The following FN3KRP variants were observed in gnomAD, a reference collection of about 807,000 sequenced individuals.
FN3KRP encodes fructosamine 3 kinase related protein.
In FN3KRP, 33 loss-of-function variants were observed where a neutral mutation model predicts 29.8. That is an observed-to-expected ratio of 1.11 (90% CI 0.84 to 1.48). The LOEUF (loss-of-function observed/expected upper bound fraction) is 1.48, where lower values mean the gene tolerates loss of function less well. FN3KRP is among the 40% of genes most tolerant of loss of function. FN3KRP has a pLI of 0.00. For synonymous variants in FN3KRP, 157 were observed against 155.2 expected, an observed-to-expected ratio of 1.01 and a Z score of -0.09; for missense variants, 430 against 402.6, an observed-to-expected ratio of 1.07 and a Z score of -0.58.
intron 1 of FN3KRP, chr17:82,718,568 A>C: frequency 9.4e-7 from 1 of 1,062,046 alleles, no homozygotes; most frequent in Non-Finnish European, 1.1e-6. Context: ...GAGGACACTG[A>C]CAGGTAACCC....
chr17:82,716,729 G>C lies in FN3KRP; in HGVS notation c.-27G>C. 6.8e-7 allele frequency: 1 copy of C among 1,476,410 alleles called. No individual in the cohort carries two copies. The highest frequency in any genetic ancestry group is 8.9e-7 in the Non-Finnish European group (1 of 1,120,876). The allele number at this position is 1,476,410 out of a possible 1,614,324, so 91.5% of individuals were successfully genotyped here. On this transcript the variant is annotated 5_prime_UTR_variant, in exon 1 of 6. Transcript: ENST00000269373. ...GTCTCTCGAGTCTCCGCCAGATCCG[G>C]GGCGGGTCCGCGGCCGCGGCGGGAA...
rs543968730 is a variant in FN3KRP, at chr17:82,726,552, GAGA to G, written c.544_546del (p.Lys182del). On this transcript the variant is annotated inframe_deletion, in exon 5 of 6. Transcript: ENST00000269373. ...CATTCAGCCCCAGATGGACATGGTG[GAGA>G]AGGAGTCTGGGGACAGGGAGGCCCT... 3 of 1,614,170 alleles carry G rather than the reference GAGA, an allele frequency of 1.9e-6. No homozygotes were observed. The highest frequency in any genetic ancestry group is 1.1e-5 in the South Asian group (1 of 91,088).
At chr17:82,719,157 G>T (rs924638984) in intron 2 of FN3KRP, 100 bp downstream of exon 2, 21 of 1,171,926 alleles carry the variant, frequency 1.8e-5, no homozygotes, top group Admixed American at 4.3e-5. Context: ...CCACTGGCTG[G>T]CTTTATTATC....
chr17:82,719,701 G>T (rs2046784888), intron 2 of FN3KRP, among the ~76,000 whole-genome samples: 1 of 152,158 alleles, frequency 6.6e-6, no homozygotes, highest in Non-Finnish European at 1.5e-5. Flanking sequence ...GTTGCAGTGA[G>T]CTGAGATCGC....
chr17:82,721,370 G>C (rs918732592), intron 3 of FN3KRP, among the ~76,000 whole-genome samples: 1 of 152,110 alleles, frequency 6.6e-6, no homozygotes, highest in Non-Finnish European at 1.5e-5. Context: ...TTACAGGCGT[G>C]AGCCACTGCA....
rs757421838 is a variant in FN3KRP at position 82,726,523 on chromosome 17, A to G, written c.512A>G (p.Gln171Arg). Residue 171 changes from glutamine to arginine, a missense_variant, in exon 5 of 6, where the codon CAG (glutamine) becomes CGG (arginine). Physicochemically the swap from Gln to Arg is conservative, Grantham distance 43. Coordinates refer to ENST00000269373, the MANE Select transcript of FN3KRP (RefSeq NM_024619.4). ...QEDWVVFYAR[Q>R]RIQPQMDMVE... The stretch of plus-strand genomic sequence containing the variant: ...GACTGGGTCGTGTTCTATGCCCGGC[A>G]GCGCATTCAGCCCCAGATGGACATG... 3 of 1,614,182 alleles carry G rather than the reference A, an allele frequency of 1.9e-6. No individual in the cohort carries two copies. The highest frequency in any genetic ancestry group is 8.5e-7 in the Non-Finnish European group (1 of 1,180,026).
intron 4 of FN3KRP, among the ~76,000 whole-genome samples, chr17:82,725,911 C>T (rs1053557805): frequency 1.3e-5 from 2 of 152,196 alleles, no homozygotes; most frequent in East Asian, 1.9e-4. Context: ...CAGTGGCCCA[C>T]GCCCGCCCGT....
In FN3KRP at chr17:82,716,719, G is replaced by A. The variant is rs1568057537; in HGVS notation, c.-37G>A. The A allele has an allele frequency of 2.1e-6, 3 of 1,462,350 alleles. No individual in the cohort carries two copies. Among genetic ancestry groups the A allele is most frequent in the Non-Finnish European group, 2.7e-6 (3 of 1,113,698 alleles). The allele number at this position is 1,462,350 out of a possible 1,614,324, so 90.6% of individuals were successfully genotyped here. On this transcript the variant is annotated 5_prime_UTR_variant, in exon 1 of 6. Transcript: ENST00000269373. The stretch of plus-strand genomic sequence containing the variant: ...CTCGGCCGCCGTCTCTCGAGTCTCC[G>A]CCAGATCCGGGGCGGGTCCGCGGCC...
chr17:82,716,865 G>T lies in FN3KRP; in HGVS notation c.110G>T (p.Arg37Leu), dbSNP rs763449059. The T allele has an allele frequency of 6.4e-7, 1 of 1,567,152 alleles. No homozygotes were observed. The highest frequency in any genetic ancestry group is 1.9e-5 in the Admixed American group (1 of 52,756). The change falls in exon 1 of 6, where the codon CGA (arginine) becomes CTA (leucine). Residue 37 changes from arginine to leucine, a missense_variant. Transcript: ENST00000269373. Reference protein sequence around the residue: ...QGRSYDTDQGRVFVKVNPKAE... With the variant: ...QGRSYDTDQGLVFVKVNPKAE... ...CGGAGCTACGACACGGATCAAGGAC[G>T]AGTGTTCGTGAAAGTGAACCCCAAG... is the stretch of plus-strand genomic sequence containing the variant.
At chr17:82,720,173 TAA>T (rs1279543824) in intron 2 of FN3KRP, 97 bp from the exon 3 acceptor site, 1 of 918,290 alleles carries the variant, frequency 1.1e-6, no homozygotes, top group Non-Finnish European at 1.7e-6. Context: ...CTCAAAAAAA[TAA>T]AAAAGTTTGA....
rs996750941 is a variant in FN3KRP at position 82,720,328 on chromosome 17, T to C, written c.350T>C (p.Leu117Pro). ...LADLHLDNKK[L>P]GEMRLKEAGT... ...GATTTACACCTTGATAACAAGAAGC[T>C]TGGAGAGATGCGCCTGAAGGAGGCG... Residue 117 changes from leucine (L) to proline (P), a missense_variant, in exon 3 of 6, where the codon CTT (leucine) becomes CCT (proline). Leu to Pro is a moderately conservative substitution (Grantham distance 98). Transcript: ENST00000269373. The C allele has an allele frequency of 1.2e-6, 2 of 1,613,766 alleles. No homozygotes were observed. Among genetic ancestry groups the C allele is most frequent in the African/African-American group, 2.7e-5 (2 of 74,892 alleles).
chr17:82,726,808 T>C, intron 5 of FN3KRP, 25 bp from the exon 6 acceptor site: 1 of 1,522,224 alleles, frequency 6.6e-7, no homozygotes, highest in Non-Finnish European at 8.8e-7. Flanking sequence ...ATCAATTTGC[T>C]GAGGCTCCAT....
In FN3KRP at chr17:82,716,812, C is replaced by T. The variant is rs1255808660; in HGVS notation, c.57C>T (p.His19=). The part of the protein sequence containing the change: ...LGCSSVRATG[H]SGGGCISQGR... The stretch of plus-strand genomic sequence containing the variant: ...GCAGCTCTGTCAGGGCCACGGGCCA[C>T]TCGGGGGGCGGGTGCATCAGCCAGG... The change falls in exon 1 of 6, where the codon CAC becomes CAT. Residue 19 remains histidine, a synonymous_variant. Transcript: ENST00000269373. 6.4e-7 allele frequency: 1 copy of T among 1,553,600 alleles called. No homozygotes were observed. The highest frequency in any genetic ancestry group is 1.2e-5 in the South Asian group (1 of 84,252).
chr17:82,723,602 T>G (rs374133000), intron 4 of FN3KRP, among the ~76,000 whole-genome samples: 7,344 of 151,516 alleles, frequency 0.048, 463 homozygotes, highest in African/African-American at 0.15. Context: ...TGCATGTGTA[T>G]GTGCACGCAT....
At chr17:82,720,683 C>G (rs182266085) in intron 3 of FN3KRP, 116 of 222,694 alleles carry the variant, frequency 5.2e-4, no homozygotes, top group Middle Eastern at 1.5e-3. Context: ...AAGGCAAGAC[C>G]TTTAACCCAG....
intron 4 of FN3KRP, among the ~76,000 whole-genome samples, chr17:82,725,513 G>A (rs1211843842): frequency 2.0e-5 from 3 of 151,782 alleles, no homozygotes; most frequent in Admixed American, 6.6e-5. Context: ...GCAGTGGTGC[G>A]ATCTTGGCTC....
chr17:82,726,167 C>T (rs927620471), intron 4 of FN3KRP, among the ~76,000 whole-genome samples: 4 of 151,664 alleles, frequency 2.6e-5, no homozygotes, highest in Non-Finnish European at 4.4e-5. Context: ...GCAATGAGAG[C>T]GAAACTCTAT....
At chr17:82,725,842 G>C (rs4510058) in intron 4 of FN3KRP, among the ~76,000 whole-genome samples, 18,768 of 152,230 alleles carry the variant, frequency 0.12, 1,403 homozygotes, top group Admixed American at 0.19. Context: ...TGCATCATCT[G>C]ATGAACTATT....
chr17:82,726,799 T>C (rs779159507), intron 5 of FN3KRP, 34 bp from the exon 6 acceptor site: 3 of 1,518,476 alleles, frequency 2.0e-6, no homozygotes, highest in Non-Finnish European at 2.6e-6. Flanking sequence ...CACGCGTTGA[T>C]CAATTTGCTG....
Sources: gnomAD v4.1 joint callset for allele counts (sites outside exome capture counted in the v4.1 genomes callset) on GRCh38, gnomAD v4.1.1 for gene constraint, MANE v1.5 for transcripts, NCBI Gene and HGNC (gene_info 2026-07-23, HGNC 2026-07-21) for gene names.